TAS2R1: variants seen among roughly 807,000 people sequenced by gnomAD.
TAS2R1 encodes taste 2 receptor member 1.
For synonymous variants in TAS2R1, 141 were observed against 134.2 expected (o/e 1.05, Z -0.35); for missense variants, 370 against 353.4 (o/e 1.05, Z -0.38).
At chr5:9,728,326 G>C in the TAS2R1 span, among the ~76,000 whole-genome samples, 1 of 152,138 alleles carries the variant, frequency 6.6e-6, no homozygotes, top group Admixed American at 6.5e-5. Flanking sequence ...GTTTTCACTG[G>C]TTTCATAACA....
the TAS2R1 span, among the ~76,000 whole-genome samples, chr5:9,827,625 C>CACACACAA: frequency 6.9e-6 from 1 of 145,912 alleles, no homozygotes; most frequent in Non-Finnish European, 1.5e-5. Context: ...CACACACACA[C>CACACACAA]AATCACACAT....
At chr5:9,795,693 C>A in the TAS2R1 span, among the ~76,000 whole-genome samples, 1 of 152,290 alleles carries the variant, frequency 6.6e-6, no homozygotes, top group African/African-American at 2.4e-5. Context: ...TCAAGTTCAT[C>A]CCCTCCTGGT....
chr5:9,634,392 T>A (rs1236727003), upstream of TAS2R1, among the ~76,000 whole-genome samples: 1 of 151,850 alleles, frequency 6.6e-6, no homozygotes, highest in Non-Finnish European at 1.5e-5. Context: ...CCAGGTTTTT[T>A]ATTGTTGTTG....
chr5:9,799,234 T>C, the TAS2R1 span, among the ~76,000 whole-genome samples: 2 of 152,346 alleles, frequency 1.3e-5, no homozygotes, highest in East Asian at 1.9e-4. Flanking sequence ...CAAAATATTT[T>C]CCAAAATGCT....
chr5:9,781,156 T>G, the TAS2R1 span, among the ~76,000 whole-genome samples: 2 of 152,266 alleles, frequency 1.3e-5, no homozygotes, highest in African/African-American at 4.8e-5. Flanking sequence ...AATTGTTTTG[T>G]GTATCCACTT....
At chr5:9,655,520 C>T (rs567263221) in intron 2 of TAS2R1, among the ~76,000 whole-genome samples, 1 of 151,900 alleles carries the variant, frequency 6.6e-6, no homozygotes, top group African/African-American at 2.4e-5. Flanking sequence ...TGATGAACAT[C>T]TGAAAGGAAA....
chr5:9,897,697 C>T, the TAS2R1 span, among the ~76,000 whole-genome samples: 4 of 152,060 alleles, frequency 2.6e-5, no homozygotes, highest in Non-Finnish European at 4.4e-5. Context: ...TTTCTTTTTT[C>T]TTTTTGCTGA....
chr5:9,861,506 T>C, the TAS2R1 span, among the ~76,000 whole-genome samples: 6 of 152,290 alleles, frequency 3.9e-5, no homozygotes, highest in Middle Eastern at 6.8e-3. Flanking sequence ...CATAGAGTGT[T>C]GGAAGAAATT....
rs41470 is a variant in TAS2R1, at chr5:9,630,075, T to C, written c.-43A>G. 36,042 of 1,479,040 alleles carry C rather than the reference T, an allele frequency of 0.024. 5,106 individuals are homozygous for C. In the East Asian group the frequency reaches 0.46, roughly 19 times the overall value. The allele number at this position is 1,479,040 out of a possible 1,614,324, so 91.6% of individuals were successfully genotyped here. Reference sequence around the variant, plus strand: ...ATTTACTTAAAAAATAATGAAGTTATAAAGTTTTGGACAGGTTGGGTTGTT... The same window carrying C: ...ATTTACTTAAAAAATAATGAAGTTACAAAGTTTTGGACAGGTTGGGTTGTT... On this transcript the variant is annotated 5_prime_UTR_variant, in exon 1 of 1. Transcript: ENST00000382492.
chr5:9,735,909 T>G, the TAS2R1 span, among the ~76,000 whole-genome samples: 1 of 152,214 alleles, frequency 6.6e-6, no homozygotes, highest in Non-Finnish European at 1.5e-5. Flanking sequence ...CCTTCTCCAG[T>G]GGGTGACAGA....
the TAS2R1 span, among the ~76,000 whole-genome samples, chr5:9,780,502 T>G: frequency 6.6e-6 from 1 of 152,200 alleles, no homozygotes; most frequent in Non-Finnish European, 1.5e-5. Context: ...GCTACCTCAC[T>G]TGTTGCTTCT....
chr5:9,780,881 G>A, the TAS2R1 span, among the ~76,000 whole-genome samples: 1 of 152,164 alleles, frequency 6.6e-6, no homozygotes, highest in Non-Finnish European at 1.5e-5. Flanking sequence ...TCTTAAGAGC[G>A]AAAACTGAGG....
chr5:9,800,385 A>G, the TAS2R1 span, among the ~76,000 whole-genome samples: 1 of 152,162 alleles, frequency 6.6e-6, no homozygotes, highest in South Asian at 2.1e-4. Context: ...CAGGTTTCCA[A>G]TGTAATACAG....
the TAS2R1 span, among the ~76,000 whole-genome samples, chr5:9,788,407 A>AGAATACAGAATACGG: frequency 1.3e-5 from 2 of 152,168 alleles, no homozygotes; most frequent in Admixed American, 6.5e-5. Context: ...TCTGCTGTGC[A>AGAATACAGAATACGG]TGGCTAATAC....
At chr5:9,870,845 T>G in the TAS2R1 span, among the ~76,000 whole-genome samples, 1 of 152,122 alleles carries the variant, frequency 6.6e-6, no homozygotes, top group East Asian at 1.9e-4. Flanking sequence ...GAGGGACACA[T>G]CATAGTCACT....
At chr5:9,653,070 C>T (rs768370198) in intron 2 of TAS2R1, among the ~76,000 whole-genome samples, 1 of 152,152 alleles carries the variant, frequency 6.6e-6, no homozygotes, top group Non-Finnish European at 1.5e-5. Context: ...CTGCTAGCAT[C>T]CACCTTTCTG....
At chr5:9,665,457 C>A (rs539711478) in intron 1 of TAS2R1, among the ~76,000 whole-genome samples, 120 of 152,324 alleles carry the variant, frequency 7.9e-4, no homozygotes, top group African/African-American at 2.7e-3. Context: ...TGTTCTTGGG[C>A]CACGATTCTG....
At chr5:9,698,422 T>A (rs1218660309) in intron 1 of TAS2R1, among the ~76,000 whole-genome samples, 1 of 152,192 alleles carries the variant, frequency 6.6e-6, no homozygotes, top group African/African-American at 2.4e-5. Flanking sequence ...TCAAATGTTG[T>A]CAACATGATG....
the TAS2R1 span, among the ~76,000 whole-genome samples, chr5:9,886,033 CTTTT>C: frequency 1.4e-5 from 2 of 140,176 alleles, no homozygotes; most frequent in African/African-American, 2.6e-5. Context: ...TTATATAATT[CTTTT>C]TTTTTTTTTT....
Sources: gnomAD v4.1 joint callset for allele counts (sites outside exome capture counted in the v4.1 genomes callset) on GRCh38, gnomAD v4.1.1 for gene constraint, MANE v1.5 for transcripts, NCBI Gene and HGNC (gene_info 2026-07-23, HGNC 2026-07-21) for gene names.